Variants in BAZ2B observed in about 807,000 individuals in gnomAD.
BAZ2B encodes the protein bromodomain adjacent to zinc finger domain protein 2B.
In BAZ2B, 91 loss-of-function variants were observed where a neutral mutation model predicts 246.0. That is an observed-to-expected ratio of 0.37 (90% CI 0.31 to 0.44). The LOEUF is 0.44. BAZ2B is among the 20% of genes least tolerant of loss of function. The probability of loss-of-function intolerance (pLI) is 1.00; values close to 1 mark genes in which losing one functional copy is unlikely to be tolerated. For synonymous variants in BAZ2B, 855 were observed against 860.0 expected (o/e 0.99, Z 0.10); for missense variants, 2,332 against 2,533.7 (o/e 0.92, Z 1.71).
At chr2:159,683,147 CATGTCTA>C in the BAZ2B span, among the ~76,000 whole-genome samples, 1 of 152,130 alleles carries the variant, frequency 6.6e-6, no homozygotes, top group African/African-American at 2.4e-5. Context: ...CACCAAGCAG[CATGTCTA>C]ATGTCTAATT....
chr2:159,371,406 A>T (rs1442024425), intron 27 of BAZ2B, among the ~76,000 whole-genome samples: 1 of 152,192 alleles, frequency 6.6e-6, no homozygotes, highest in African/African-American at 2.4e-5. Context: ...GGCCTCCCAA[A>T]GTGCTGGGAT....
At chr2:159,355,820 G>A (rs1575992534) in intron 27 of BAZ2B, among the ~76,000 whole-genome samples, 3 of 152,136 alleles carry the variant, frequency 2.0e-5, no homozygotes, top group South Asian at 4.2e-4. Flanking sequence ...GTTAGACAGT[G>A]GGTGCAGCAC....
chr2:159,362,372 T>G (rs964911286), intron 27 of BAZ2B, among the ~76,000 whole-genome samples: 2 of 152,172 alleles, frequency 1.3e-5, no homozygotes, highest in Non-Finnish European at 2.9e-5. Context: ...TTATCATTAC[T>G]CAGAAATTAA....
At chr2:159,453,221 C>T (rs1269760472) in intron 4 of BAZ2B, among the ~76,000 whole-genome samples, 1 of 152,038 alleles carries the variant, frequency 6.6e-6, no homozygotes, top group African/African-American at 2.4e-5. Context: ...CTCATAAAAC[C>T]TGAACTTTAG....
chr2:159,385,469 T>A, intron 22 of BAZ2B, 100 bp from the exon 23 acceptor site: 1 of 1,003,600 alleles, frequency 1.0e-6, no homozygotes, highest in Non-Finnish European at 1.4e-6. Flanking sequence ...TAGATACTAC[T>A]GACAAGAGCT....
rs539177959 is a variant in BAZ2B, at chr2:159,453,919, C to A, written c.146-118G>T. The A allele has an allele frequency of 4.5e-4, 398 of 890,756 alleles. 1 individual carries two copies. In the African/African-American group the frequency reaches 6.4e-3, roughly 14 times the overall value. The allele number at this position is 890,756 out of a possible 1,614,324, so 55.2% of individuals were successfully genotyped here. On this transcript the variant is annotated intron_variant, in intron 3 of 36. Transcript: ENST00000392783. The stretch of plus-strand genomic sequence containing the variant: ...TTACCTATTACATTTTTATTTTACC[C>A]TTTTCCTGCTGCATTTTCTACTCTT...
At chr2:159,532,970 C>A (rs1373337681) in intron 2 of BAZ2B, among the ~76,000 whole-genome samples, 2 of 152,218 alleles carry the variant, frequency 1.3e-5, no homozygotes, top group East Asian at 1.9e-4. Flanking sequence ...AAAATCATGA[C>A]TTCAGATGTG....
chr2:159,499,261 G>C (rs191669114), intron 2 of BAZ2B, among the ~76,000 whole-genome samples: 1 of 152,118 alleles, frequency 6.6e-6, no homozygotes, highest in East Asian at 1.9e-4. Flanking sequence ...CCACTTACAC[G>C]TGAAAACATG....
chr2:159,359,504 C>A (rs1289186896), intron 27 of BAZ2B, among the ~76,000 whole-genome samples: 2 of 152,150 alleles, frequency 1.3e-5, no homozygotes, highest in Non-Finnish European at 2.9e-5. Flanking sequence ...CAGACAGATT[C>A]ACAGCCGAAT....
chr2:159,706,527 T>C, the BAZ2B span, among the ~76,000 whole-genome samples: 1 of 152,218 alleles, frequency 6.6e-6, no homozygotes, highest in African/African-American at 2.4e-5. Context: ...TGTGCCTCCG[T>C]GTGTGTGCGT....
chr2:159,590,346 T>C (rs953108368), intron 1 of BAZ2B, among the ~76,000 whole-genome samples: 6 of 150,476 alleles, frequency 4.0e-5, no homozygotes, highest in Admixed American at 1.3e-4. Context: ...TCCTAGCACT[T>C]TGGGAGGCCA....
At chr2:159,624,891 AAGGAGCATGT>A in the BAZ2B span, among the ~76,000 whole-genome samples, 2 of 152,148 alleles carry the variant, frequency 1.3e-5, no homozygotes, top group Admixed American at 1.3e-4. Flanking sequence ...CTCTGAGCTA[AAGGAGCATGT>A]TCTAACCCAA....
chr2:159,679,242 A>G, the BAZ2B span, among the ~76,000 whole-genome samples: 2 of 131,580 alleles, frequency 1.5e-5, no homozygotes, highest in African/African-American at 6.1e-5. Context: ...GCTGCACTCC[A>G]GCCTGGGTGA....
At chr2:159,651,275 T>C in the BAZ2B span, among the ~76,000 whole-genome samples, 2 of 152,204 alleles carry the variant, frequency 1.3e-5, no homozygotes, top group Non-Finnish European at 2.9e-5. Context: ...CTTCTGATTA[T>C]TACAAACCTC....
chr2:159,343,786 G>A (rs1429638774), intron 31 of BAZ2B, among the ~76,000 whole-genome samples: 1 of 152,060 alleles, frequency 6.6e-6, no homozygotes, highest in East Asian at 1.9e-4. Context: ...CAGCACTTTG[G>A]GAGGCTGAGG....
intron 1 of BAZ2B, among the ~76,000 whole-genome samples, chr2:159,597,699 G>A (rs557153511): frequency 2.2e-4 from 33 of 152,182 alleles, no homozygotes; most frequent in Non-Finnish European, 3.5e-4. Context: ...CAGGTGATCT[G>A]CCCGCCTTGG....
At chr2:159,374,201 C>T (rs2061171527) in intron 26 of BAZ2B, among the ~76,000 whole-genome samples, 1 of 151,248 alleles carries the variant, frequency 6.6e-6, no homozygotes, top group Non-Finnish European at 1.5e-5. Context: ...TAAACCACTT[C>T]TGAAATGGAA....
chr2:159,608,280 G>A (rs780554168), intron 1 of BAZ2B, among the ~76,000 whole-genome samples: 3 of 152,278 alleles, frequency 2.0e-5, no homozygotes, highest in East Asian at 1.9e-4. Flanking sequence ...GGACTGAGGC[G>A]GTGGGGATCC....
chr2:159,320,154 A>G lies in BAZ2B; in HGVS notation c.*111T>C, dbSNP rs2062534881. On this transcript the variant is annotated 3_prime_UTR_variant, in exon 37 of 37. Coordinates refer to ENST00000392783, the MANE Select transcript of BAZ2B (RefSeq NM_013450.4). ...TGATACTTTTTTTTTATACTTAAGG[A>G]AAAAGAAAGTCATTATGTATGTGCC... 4.1e-6 allele frequency: 4 copies of G among 985,338 alleles called. No homozygotes were observed. The highest frequency in any genetic ancestry group is 5.4e-6 in the Non-Finnish European group (4 of 737,216). 61.0% of individuals were successfully genotyped at this position (985,338 alleles called of 1,614,324 possible).
Sources: allele counts gnomAD v4.1 joint callset (sites outside exome capture counted in the v4.1 genomes callset), GRCh38; gene constraint gnomAD v4.1.1; transcripts MANE v1.5; gene names NCBI Gene and HGNC (gene_info 2026-07-23, HGNC 2026-07-21).